Variants in ZSCAN25 observed in about 807,000 individuals in gnomAD.
The protein encoded by ZSCAN25 is zinc finger and SCAN domain-containing protein 25.
A neutral mutation model predicts 38.7 loss-of-function variants in ZSCAN25; 27 were observed. The observed-to-expected ratio is 0.70, with a 90% CI of 0.51 to 0.96. The LOEUF is 0.96. Ranked by LOEUF, ZSCAN25 falls within the 40% of genes least tolerant of loss-of-function variation. ZSCAN25 has a pLI of 0.00. For synonymous variants in ZSCAN25, 273 were observed against 277.7 expected, an observed-to-expected ratio of 0.98 and a Z score of 0.17; for missense variants, 637 against 705.9, an observed-to-expected ratio of 0.90 and a Z score of 1.11.
At chr7:99,717,611 T>C in the ZSCAN25 span, 2 of 1,613,660 alleles carry the variant, frequency 1.2e-6, no homozygotes, top group African/African-American at 1.3e-5. Flanking sequence ...AGAGATGGCA[T>C]TTTTCATAAA....
At chr7:99,720,518 A>G in the ZSCAN25 span, 1 of 1,225,796 alleles carries the variant, frequency 8.2e-7, no homozygotes, top group Non-Finnish European at 1.2e-6. Flanking sequence ...AATCCTCTAG[A>G]TGTACAATAC....
the ZSCAN25 span, among the ~76,000 whole-genome samples, chr7:99,668,633 C>CA: frequency 3.3e-5 from 5 of 152,134 alleles, no homozygotes; most frequent in Non-Finnish European, 7.3e-5. Flanking sequence ...GCAAACAGTT[C>CA]AGCAAGAAGA....
chr7:99,629,601 A>T lies in ZSCAN25; in HGVS notation c.1216A>T (p.Ser406Cys). The change falls in exon 8 of 8, where the codon AGC (serine) becomes TGC (cysteine). Residue 406 changes from serine (S) to cysteine (C), a missense_variant. Transcript: ENST00000394152. This position sits in a 1 kb window ranked among gnomAD's most constrained non-coding sequence, Gnocchi z 5.6. ...CCTGGGAAAGAGGCCCTACGTGTGCAGCGAGTGCTGGAAAACCTTCAGCCA... is the reference window on the plus strand; with the variant it reads ...CCTGGGAAAGAGGCCCTACGTGTGCTGCGAGTGCTGGAAAACCTTCAGCCA... ...THLGKRPYVC[S>C]ECWKTFSQRH... 3 of 1,614,164 alleles carry T rather than the reference A, an allele frequency of 1.9e-6. No individual in the cohort carries two copies. Among genetic ancestry groups the T allele is most frequent in the South Asian group, 2.2e-5 (2 of 91,092 alleles).
the ZSCAN25 span, chr7:99,699,884 A>T: frequency 1.1e-6 from 1 of 915,986 alleles, no homozygotes; most frequent in Non-Finnish European, 1.8e-6. Context: ...TTTGATCTTT[A>T]AAACAGATGA....
At chr7:99,714,578 C>A in the ZSCAN25 span, 2 of 1,612,708 alleles carry the variant, frequency 1.2e-6, no homozygotes, top group East Asian at 4.5e-5. Context: ...TTGAGGCGAC[C>A]TTCTTTTATC....
At chr7:99,692,466 C>T in the ZSCAN25 span, among the ~76,000 whole-genome samples, 2,580 of 152,296 alleles carry the variant, frequency 0.017, 66 homozygotes, top group African/African-American at 0.057. Flanking sequence ...GGGAAGTTCT[C>T]TTGGATAATA....
the ZSCAN25 span, among the ~76,000 whole-genome samples, chr7:99,640,252 A>T: frequency 6.6e-6 from 1 of 152,304 alleles, no homozygotes; most frequent in South Asian, 2.1e-4. Context: ...TCCGCCTCCC[A>T]GGTTCAAGCA....
the ZSCAN25 span, chr7:99,731,136 G>A: frequency 6.2e-7 from 1 of 1,613,878 alleles, no homozygotes; most frequent in Non-Finnish European, 8.5e-7. Context: ...AAAAGTCCAT[G>A]TGTACGGGTT....
At chr7:99,669,834 T>C in the ZSCAN25 span, among the ~76,000 whole-genome samples, 1 of 152,206 alleles carries the variant, frequency 6.6e-6, no homozygotes, top group Non-Finnish European at 1.5e-5. Context: ...TGTAAACATA[T>C]GTGATATAGC....
chr7:99,723,612 G>A, the ZSCAN25 span, among the ~76,000 whole-genome samples: 1 of 152,028 alleles, frequency 6.6e-6, no homozygotes, highest in African/African-American at 2.4e-5. Context: ...GGACTCCTTC[G>A]GGAGTCCCAT....
the ZSCAN25 span, chr7:99,665,164 A>G: frequency 6.2e-7 from 1 of 1,605,324 alleles, no homozygotes; most frequent in Non-Finnish European, 8.5e-7. Context: ...TAGCCCACAT[A>G]CTTATTGAGA....
At chr7:99,666,552 T>TGGAA in the ZSCAN25 span, 1 of 1,587,222 alleles carries the variant, frequency 6.3e-7, no homozygotes. Context: ...GGCAGGCAGC[T>TGGAA]GGAAGGGCTC....
At chr7:99,733,045 G>C in the ZSCAN25 span, among the ~76,000 whole-genome samples, 1 of 152,218 alleles carries the variant, frequency 6.6e-6, no homozygotes, top group African/African-American at 2.4e-5. Context: ...CGTGTTTGGA[G>C]AACCCAGCAG....
At chr7:99,649,974 A>G in the ZSCAN25 span, 1 of 1,443,608 alleles carries the variant, frequency 6.9e-7, no homozygotes, top group Non-Finnish European at 9.5e-7. Flanking sequence ...TTTGGCCCAT[A>G]GAATGAATTA....
intron 6 of ZSCAN25, among the ~76,000 whole-genome samples, chr7:99,622,998 G>A (rs1807125484): frequency 6.6e-6 from 1 of 152,164 alleles, no homozygotes; most frequent in Admixed American, 6.5e-5. Context: ...AGTAGAGACG[G>A]GGTTTCACCG....
chr7:99,714,354 C>T, the ZSCAN25 span, among the ~76,000 whole-genome samples: 2 of 152,108 alleles, frequency 1.3e-5, no homozygotes, highest in Non-Finnish European at 2.9e-5. Flanking sequence ...TTTAAGTGCT[C>T]TCTCTGACTC....
chr7:99,731,008 G>T, the ZSCAN25 span: 1 of 1,604,400 alleles, frequency 6.2e-7, no homozygotes, highest in Non-Finnish European at 8.5e-7. Context: ...ATGGAACTAA[G>T]TTGCTCTTTG....
the ZSCAN25 span, among the ~76,000 whole-genome samples, chr7:99,721,718 A>G: frequency 2.0e-5 from 3 of 151,732 alleles, no homozygotes; most frequent in Non-Finnish European, 2.9e-5. Flanking sequence ...GAGTGTGAAC[A>G]TTGTGAGAAC....
At chr7:99,728,940 G>A in the ZSCAN25 span, among the ~76,000 whole-genome samples, 20 of 152,230 alleles carry the variant, frequency 1.3e-4, no homozygotes, top group East Asian at 5.8e-4. Flanking sequence ...CTCCAACATC[G>A]CTGAGGCCTT....
Sources: gnomAD v4.1 joint callset for allele counts (sites outside exome capture counted in the v4.1 genomes callset) on GRCh38, gnomAD v4.1.1 for gene constraint, Gnocchi (gnomAD v3.1) non-coding constraint, MANE v1.5 for transcripts, NCBI Gene and HGNC (gene_info 2026-07-23, HGNC 2026-07-21) for gene names.